The following PHF21B variants were observed in gnomAD, a reference collection of about 807,000 sequenced individuals.
PHF21B encodes the protein PHD finger protein 21B.
A neutral mutation model predicts 62.2 loss-of-function variants in PHF21B; 22 were observed. The observed-to-expected ratio is 0.35, with a 90% confidence interval of 0.25 to 0.51. The LOEUF is 0.51. Among genes scored for constraint, PHF21B ranks in the 20% least tolerant of loss-of-function variants. PHF21B has a pLI of 0.97. For synonymous variants in PHF21B, 341 were observed against 314.7 expected, an observed-to-expected ratio of 1.08 and a Z score of -0.88; for missense variants, 701 against 707.9, an observed-to-expected ratio of 0.99 and a Z score of 0.11.
chr22:44,946,686 A>G (rs2072081231), intron 2 of PHF21B, among the ~76,000 whole-genome samples: 2 of 152,244 alleles, frequency 1.3e-5, no homozygotes, highest in South Asian at 4.1e-4. Flanking sequence ...ACCTTCCTGC[A>G]GAAGACTCTC....
chr22:44,966,657 C>T (rs2072532592), intron 2 of PHF21B, among the ~76,000 whole-genome samples: 1 of 152,150 alleles, frequency 6.6e-6, no homozygotes, highest in African/African-American at 2.4e-5. Context: ...CAGGCCAACC[C>T]TGCCAGCTGC....
intron 5 of PHF21B, among the ~76,000 whole-genome samples, chr22:44,906,530 C>A (rs766959421): frequency 1.3e-5 from 2 of 152,216 alleles, no homozygotes; most frequent in Non-Finnish European, 2.9e-5. Context: ...TTGAGGGCAG[C>A]CAGACTCATT....
chr22:44,921,350 G>A (rs927246893), intron 2 of PHF21B, among the ~76,000 whole-genome samples: 13 of 146,646 alleles, frequency 8.9e-5, no homozygotes, highest in African/African-American at 2.3e-4. Flanking sequence ...CGATGGAACC[G>A]GAACAGTTCT....
At chr22:44,918,905 G>A (rs565746234) in intron 3 of PHF21B, among the ~76,000 whole-genome samples, 2 of 152,264 alleles carry the variant, frequency 1.3e-5, no homozygotes, top group South Asian at 2.1e-4. Context: ...AAGGGTCACC[G>A]ACAGGAGAAG....
At chr22:45,006,325 T>C (rs1422627893) in intron 2 of PHF21B, among the ~76,000 whole-genome samples, 1 of 152,212 alleles carries the variant, frequency 6.6e-6, no homozygotes, top group African/African-American at 2.4e-5. Flanking sequence ...GAAACATTTC[T>C]AAAAGGCCGG....
rs537724582 is a variant in PHF21B at position 44,956,047 on chromosome 22, C to T, written c.121-35557G>A. ...GATGAACAACACAACTGTCTCCTCC[C>T]ACCCCACAACGTCCAGCCATCAGCC... is the stretch of plus-strand genomic sequence containing the variant. On this transcript the variant is annotated intron_variant, in intron 2 of 12. Coordinates refer to ENST00000313237, the MANE Select transcript of PHF21B (RefSeq NM_138415.5). Among the ~76,000 whole-genome samples the T allele has an allele frequency of 4.6e-5, 7 of 152,320 alleles. No homozygotes were observed. The South Asian group carries it at 1.4e-3, about 32-fold the overall frequency.
At chr22:44,991,834 T>C (rs1254468924) in intron 2 of PHF21B, among the ~76,000 whole-genome samples, 1 of 152,376 alleles carries the variant, frequency 6.6e-6, no homozygotes, top group East Asian at 1.9e-4. Context: ...CTCGCTGGCC[T>C]TACAGGGTGA....
In PHF21B at chr22:44,887,944, G is replaced by A. The variant is rs1489295757; in HGVS notation, c.1197+19C>T. ...CTCCATGCCAGTCTGGGGTGAGGGG[G>A]TCACACAGCCTCCTGTACCTTCTGC... On this transcript the variant is annotated intron_variant, in intron 10 of 12. Transcript: ENST00000313237. 3 of 1,452,854 alleles carry A rather than the reference G, an allele frequency of 2.1e-6. No homozygotes were observed. Among genetic ancestry groups the A allele is most frequent in the Non-Finnish European group, 2.7e-6 (3 of 1,096,916 alleles). 90.0% of individuals were successfully genotyped at this position (1,452,854 alleles called of 1,614,324 possible).
rs2073385335 is a variant in PHF21B at position 45,009,461 on chromosome 22, C to G, written c.54+35G>C. The G allele has an allele frequency of 2.6e-6, 4 of 1,521,504 alleles. No homozygotes were observed. The highest frequency in any genetic ancestry group is 3.5e-6 in the Non-Finnish European group (4 of 1,140,346). 94.3% of individuals were successfully genotyped at this position (1,521,504 alleles called of 1,614,324 possible). A position where few individuals can be genotyped will look rare whatever the true frequency, so the allele number is the denominator to read the frequency against. ...CCCGACCCCCTCACCCCGCAACACA[C>G]TCCCCGGCCCCGGGCCCGGCCCCCG... is the stretch of plus-strand genomic sequence containing the variant. On this transcript the variant is annotated intron_variant, in intron 1 of 12. Coordinates refer to ENST00000313237, the MANE Select transcript of PHF21B (RefSeq NM_138415.5). The surrounding 1 kb of genome is among the most constrained non-coding windows in gnomAD (Gnocchi z 5.9).
At chr22:44,954,037 C>A (rs557088326) in intron 2 of PHF21B, among the ~76,000 whole-genome samples, 5 of 151,948 alleles carry the variant, frequency 3.3e-5, no homozygotes, top group African/African-American at 9.7e-5. Context: ...TCAGAGCAGA[C>A]CCCCAGTGGG....
At chr22:44,947,717 G>T (rs1453057803) in intron 2 of PHF21B, among the ~76,000 whole-genome samples, 2 of 152,222 alleles carry the variant, frequency 1.3e-5, no homozygotes, top group Admixed American at 6.5e-5. Context: ...TGAGGATAGG[G>T]GTCAGGTGGA....
Position 44,924,735 on chromosome 22 carries a change from T to C in PHF21B, c.121-4245A>G, listed in dbSNP as rs983021448. Among the ~76,000 whole-genome samples the C allele has an allele frequency of 4.6e-5, 7 of 152,300 alleles. No individual in the cohort carries two copies. The South Asian group carries it at 1.2e-3, about 27-fold the overall frequency. On this transcript the variant is annotated intron_variant, in intron 2 of 12. Coordinates refer to ENST00000313237, the MANE Select transcript of PHF21B (RefSeq NM_138415.5). Reference sequence around the variant, plus strand: ...TCTGTTGCTTAAGCCAGCCAGTCCATGGTATTTTTGTTATGGCAGCCTGGG... The same window carrying C: ...TCTGTTGCTTAAGCCAGCCAGTCCACGGTATTTTTGTTATGGCAGCCTGGG...
At chr22:44,956,857 T>A (rs368164492) in intron 2 of PHF21B, among the ~76,000 whole-genome samples, 1 of 152,098 alleles carries the variant, frequency 6.6e-6, no homozygotes, top group Admixed American at 6.5e-5. Context: ...CCCTCCCTTC[T>A]CATCAAAGCT....
intron 1 of PHF21B, chr22:45,008,963 G>A: frequency 9.3e-7 from 1 of 1,078,702 alleles, no homozygotes; most frequent in African/African-American, 1.7e-5. Flanking sequence ...AAGTAAACAC[G>A]GCGAGTCCGT....
At position 44,883,000 on chromosome 22, in the gene PHF21B, T is replaced by C. The variant is rs1345062917; in HGVS notation, c.*86A>G. ...AATTTTTGTCTGAAATTCATAGTGT[T>C]TATGAATTAAGGCCGACAGAACCCC... On this transcript the variant is annotated 3_prime_UTR_variant, in exon 13 of 13. Transcript: ENST00000313237. 7.2e-7 allele frequency: 1 copy of C among 1,396,182 alleles called. No individual in the cohort carries two copies. Among genetic ancestry groups the C allele is most frequent in the Non-Finnish European group, 9.7e-7 (1 of 1,033,484 alleles). 86.5% of individuals were successfully genotyped at this position (1,396,182 alleles called of 1,614,324 possible). A position where few individuals can be genotyped will look rare whatever the true frequency, so the allele number is the denominator to read the frequency against.
chr22:44,939,536 C>T (rs1419198750), intron 2 of PHF21B, among the ~76,000 whole-genome samples: 3 of 152,246 alleles, frequency 2.0e-5, no homozygotes, highest in Non-Finnish European at 4.4e-5. Context: ...CATCTGTGAG[C>T]ACAGTGGGGA....
chr22:44,968,375 G>A (rs1249325399), intron 2 of PHF21B, among the ~76,000 whole-genome samples: 3 of 152,162 alleles, frequency 2.0e-5, no homozygotes, highest in Non-Finnish European at 4.4e-5. Flanking sequence ...TGGGTACAGC[G>A]GCTCACACCT....
At chr22:45,006,557 T>C (rs2073317608) in intron 2 of PHF21B, among the ~76,000 whole-genome samples, 1 of 152,202 alleles carries the variant, frequency 6.6e-6, no homozygotes, top group Non-Finnish European at 1.5e-5. Flanking sequence ...AGATAATAAA[T>C]AGCGACTCAT....
intron 11 of PHF21B, 47 bp downstream of exon 11, chr22:44,885,816 G>T: frequency 6.3e-7 from 1 of 1,578,904 alleles, no homozygotes; most frequent in Non-Finnish European, 8.7e-7. Context: ...CTGGGTGGGG[G>T]AGGAGGGGGA....
Sources: allele counts gnomAD v4.1 joint callset (sites outside exome capture counted in the v4.1 genomes callset), GRCh38; gene constraint gnomAD v4.1.1; non-coding constraint Gnocchi (gnomAD v3.1); transcripts MANE v1.5; gene names NCBI Gene and HGNC (gene_info 2026-07-23, HGNC 2026-07-21).